Variants in LGSN observed in about 807,000 individuals in gnomAD.
LGSN encodes lengsin.
A neutral mutation model predicts 19.5 loss-of-function variants in LGSN; 21 were observed. The observed-to-expected ratio is 1.07, with a 90% CI of 0.76 to 1.55. LGSN has a LOEUF of 1.55. Ranked by LOEUF, LGSN falls within the 40% of genes most tolerant of loss-of-function variation. LGSN has a pLI of 0.00. For synonymous variants in LGSN, 257 were observed against 215.6 expected, an observed-to-expected ratio of 1.19 and a Z score of -1.68; for missense variants, 673 against 608.5, an observed-to-expected ratio of 1.11 and a Z score of -1.12.
chr6:63,412,575 G>A, the LGSN span, among the ~76,000 whole-genome samples: 989 of 89,708 alleles, frequency 0.011, 41 homozygotes, highest in African/African-American at 0.028. Context: ...AGAAAGGAAG[G>A]AAGGAAAGAA....
In LGSN at chr6:63,280,286, G is replaced by A. The variant is rs752845847; in HGVS notation, c.1265C>T (p.Ala422Val). 111 of 1,614,088 alleles carry A rather than the reference G, an allele frequency of 6.9e-5. 1 individual carries two copies. The highest frequency in any genetic ancestry group is 9.2e-5 in the Non-Finnish European group (108 of 1,180,060). The change falls in exon 4 of 4, where the codon GCA becomes GTA. Residue 422 changes from alanine to valine, a missense_variant. Physicochemically the swap from Ala to Val is moderately conservative, Grantham distance 64. Transcript: ENST00000370657. ...ATANPYLVLA[A>V]TVAAGLDGLH... ...TCCATCTAAGCCGGCAGCAACAGTT[G>A]CAGCCAGCACCAAGTAAGGGTTTGC...
the LGSN span, among the ~76,000 whole-genome samples, chr6:63,387,996 G>C: frequency 6.6e-6 from 1 of 151,894 alleles, no homozygotes; most frequent in East Asian, 1.9e-4. Context: ...CTCCCGAATA[G>C]CTGGGATAAC....
the LGSN span, among the ~76,000 whole-genome samples, chr6:63,435,965 A>G: frequency 6.6e-6 from 1 of 150,796 alleles, no homozygotes; most frequent in Middle Eastern, 3.4e-3. Flanking sequence ...TTCATCACTA[A>G]TCTCTGTCCT....
At chr6:63,378,604 T>C in the LGSN span, among the ~76,000 whole-genome samples, 3 of 152,100 alleles carry the variant, frequency 2.0e-5, no homozygotes, top group East Asian at 5.8e-4. Context: ...CTTCCACTCA[T>C]GGGGAAGGCA....
chr6:63,425,796 A>T, the LGSN span, among the ~76,000 whole-genome samples: 1 of 152,042 alleles, frequency 6.6e-6, no homozygotes, highest in African/African-American at 2.4e-5. Flanking sequence ...ACATAGTGAG[A>T]CCCCACCTGT....
At chr6:63,429,587 T>C in the LGSN span, among the ~76,000 whole-genome samples, 1 of 151,968 alleles carries the variant, frequency 6.6e-6, no homozygotes, top group Non-Finnish European at 1.5e-5. Flanking sequence ...ATCACAAAAA[T>C]TAGCCGAGTG....
At chr6:63,301,110 G>A (rs1223684744) in intron 1 of LGSN, among the ~76,000 whole-genome samples, 1 of 152,138 alleles carries the variant, frequency 6.6e-6, no homozygotes, top group Non-Finnish European at 1.5e-5. Context: ...GGCCAACACA[G>A]TGAAACCCCA....
chr6:63,349,749 A>G, the LGSN span, among the ~76,000 whole-genome samples: 1 of 152,210 alleles, frequency 6.6e-6, no homozygotes, highest in Non-Finnish European at 1.5e-5. Context: ...AGGGCTTAAA[A>G]TAACACAAAT....
chr6:63,561,892 C>T, the LGSN span, among the ~76,000 whole-genome samples: 7 of 152,156 alleles, frequency 4.6e-5, no homozygotes, highest in African/African-American at 1.7e-4. Flanking sequence ...TAACCTGGTG[C>T]TTCTATCTCT....
the LGSN span, among the ~76,000 whole-genome samples, chr6:63,400,012 TA>T: frequency 6.6e-6 from 1 of 152,204 alleles, no homozygotes; most frequent in Non-Finnish European, 1.5e-5. Context: ...AACCTAGACT[TA>T]ATTCTCTGTT....
At chr6:63,510,199 C>T in the LGSN span, among the ~76,000 whole-genome samples, 1 of 152,116 alleles carries the variant, frequency 6.6e-6, no homozygotes, top group Non-Finnish European at 1.5e-5. Flanking sequence ...TCATTGCCGC[C>T]TTCAGTACTA....
the LGSN span, among the ~76,000 whole-genome samples, chr6:63,385,491 T>A: frequency 9.9e-5 from 15 of 152,228 alleles, no homozygotes; most frequent in African/African-American, 3.6e-4. Flanking sequence ...ATACAATCAA[T>A]TGGATAAAGT....
the LGSN span, among the ~76,000 whole-genome samples, chr6:63,470,092 GAGAC>G: frequency 1.3e-5 from 2 of 152,112 alleles, no homozygotes; most frequent in Admixed American, 1.3e-4. Flanking sequence ...AAAGGAAAGA[GAGAC>G]AGAGGGAGGG....
In LGSN at chr6:63,276,976, C is replaced by A. The variant is rs1014119584; in HGVS notation, c.*3045G>T. On this transcript the variant is annotated 3_prime_UTR_variant, in exon 4 of 4. Transcript: ENST00000370657. Reference sequence around the variant, plus strand: ...GGTTGCCTTAAAGAACAAGAATATACATCAGCACACACCTAACTGAAATCT... The same window carrying A: ...GGTTGCCTTAAAGAACAAGAATATAAATCAGCACACACCTAACTGAAATCT... 6.6e-6 allele frequency: 1 copy of A among 152,012 alleles called. No individual in the cohort carries two copies. The highest frequency in any genetic ancestry group is 1.5e-5 in the Non-Finnish European group (1 of 68,014). 9.4% of individuals were successfully genotyped at this position (152,012 alleles called of 1,614,324 possible). A position where few individuals can be genotyped will look rare whatever the true frequency, so the allele number is the denominator to read the frequency against.
the LGSN span, among the ~76,000 whole-genome samples, chr6:63,471,508 A>G: frequency 7.9e-5 from 12 of 151,936 alleles, no homozygotes; most frequent in Admixed American, 1.3e-4. Context: ...TCTACTAAAA[A>G]TACAAAAATT....
chr6:63,312,789 G>A (rs1164373580), intron 1 of LGSN, among the ~76,000 whole-genome samples: 1 of 152,182 alleles, frequency 6.6e-6, no homozygotes, highest in Non-Finnish European at 1.5e-5. Flanking sequence ...AATGAGCATA[G>A]TGCAGACATA....
the LGSN span, among the ~76,000 whole-genome samples, chr6:63,456,845 G>C: frequency 6.6e-6 from 1 of 152,146 alleles, no homozygotes; most frequent in Non-Finnish European, 1.5e-5. Context: ...ACTAGATCAG[G>C]CTCCAAGCAC....
At chr6:63,308,995 T>A (rs994240681) in intron 1 of LGSN, among the ~76,000 whole-genome samples, 9 of 152,192 alleles carry the variant, frequency 5.9e-5, no homozygotes, top group African/African-American at 2.2e-4. Flanking sequence ...CCTAGCAACT[T>A]GGTTTAAGAA....
At chr6:63,443,547 C>T in the LGSN span, 1 of 967,404 alleles carries the variant, frequency 1.0e-6, no homozygotes, top group Non-Finnish European at 1.3e-6. Context: ...GGGTCTGCAC[C>T]ACCATGAGAT....
Sources: gnomAD v4.1 joint callset for allele counts (sites outside exome capture counted in the v4.1 genomes callset) on GRCh38, gnomAD v4.1.1 for gene constraint, MANE v1.5 for transcripts, NCBI Gene and HGNC (gene_info 2026-07-23, HGNC 2026-07-21) for gene names.